The following FER1L5 variants were observed in gnomAD, a reference collection of about 807,000 sequenced individuals.
FER1L5 encodes fer-1 like family member 5.
Under a neutral mutation model 279.9 loss-of-function variants are expected in FER1L5, and 187 were observed. The observed-to-expected ratio is 0.67, with a 90% CI of 0.59 to 0.75. The LOEUF is 0.75. Among genes scored for constraint, FER1L5 ranks in the 30% least tolerant of loss-of-function variants. The pLI is 0.00. For synonymous variants in FER1L5, 921 were observed against 989.7 expected (o/e 0.93, Z 1.30); for missense variants, 2,091 against 2,594.4 (o/e 0.81, Z 4.21).
At chr2:96,668,684 T>TA in intron 14 of FER1L5, 67 bp from the exon 15 acceptor site, 1 of 1,540,486 alleles carries the variant, frequency 6.5e-7, no homozygotes, top group Non-Finnish European at 8.8e-7. Flanking sequence ...TACCTGTTCT[T>TA]AAAATCTCCA....
At position 96,703,570 on chromosome 2, in the gene FER1L5, A is replaced by C. The variant is rs1422167970; in HGVS notation, c.5739A>C (p.Leu1913Phe). The C allele has an allele frequency of 6.2e-7, 1 of 1,613,832 alleles. No homozygotes were observed. Among genetic ancestry groups the C allele is most frequent in the Non-Finnish European group, 8.5e-7 (1 of 1,179,868 alleles). ...SLEILSEKEA[L>F]IKPAGRGQSE... is the part of the protein sequence containing the mutation. ...AGATTCTGTCAGAGAAGGAAGCCTTAATCAAGCCAGCCGGGCGAGGCCAGT... is the reference window on the plus strand; with the variant it reads ...AGATTCTGTCAGAGAAGGAAGCCTTCATCAAGCCAGCCGGGCGAGGCCAGT... The change falls in exon 51 of 53, where the codon TTA (leucine) becomes TTC (phenylalanine). Residue 1913 changes from leucine to phenylalanine, a missense_variant. Leu to Phe is a conservative substitution (Grantham distance 22). Transcript: ENST00000624922.
intron 32 of FER1L5, 66 bp downstream of exon 32, chr2:96,693,753 T>C: frequency 6.6e-7 from 1 of 1,504,702 alleles, no homozygotes; most frequent in Admixed American, 2.2e-5. Context: ...GGGGATTTAT[T>C]TTAGATGAAA....
chr2:96,648,279 ATGT>A (rs1277248183), intron 4 of FER1L5, among the ~76,000 whole-genome samples: 7 of 152,222 alleles, frequency 4.6e-5, no homozygotes, highest in African/African-American at 1.7e-4. Context: ...AGAGGGGGTG[ATGT>A]TTAAGACATT....
intron 4 of FER1L5, 77 bp from the exon 5 acceptor site, chr2:96,649,546 C>T (rs1573772261): frequency 6.9e-7 from 1 of 1,445,278 alleles, no homozygotes; most frequent in South Asian, 1.2e-5. Flanking sequence ...TGAACCCAAC[C>T]AGGCTGTGCA....
intron 52 of FER1L5, 49 bp downstream of exon 52, chr2:96,704,411 C>G: frequency 1.2e-6 from 2 of 1,612,972 alleles, no homozygotes; most frequent in African/African-American, 2.7e-5. Context: ...CGGGATGACT[C>G]TGGGGACAGC....
chr2:96,648,759 C>T (rs2075242723), intron 4 of FER1L5, among the ~76,000 whole-genome samples: 1 of 152,196 alleles, frequency 6.6e-6, no homozygotes, highest in South Asian at 2.1e-4. Context: ...GATGGTGGAT[C>T]TGAGTCTTAT....
chr2:96,697,685 G>A lies in FER1L5; in HGVS notation c.4160G>A (p.Trp1387Ter). The A allele has an allele frequency of 6.2e-7, 1 of 1,614,052 alleles. No individual in the cohort carries two copies. Residue 1387 changes from tryptophan (W) to a stop codon, truncating the protein, a stop_gained, in exon 39 of 53, where the codon TGG becomes TAG. Coordinates refer to ENST00000624922, the MANE Select transcript of FER1L5 (RefSeq NM_001293083.2). LOFTEE classifies it high-confidence loss of function. ...AEDEYEHEVDWWSKLFWATDE... is the reference protein window; with the variant it reads ...AEDEYEHEVD The stretch of plus-strand genomic sequence containing the variant: ...GATGAGTATGAGCATGAGGTGGACT[G>A]GTGGAGCAAGCTGTTCTGGGCCACA...
chr2:96,659,961 T>C (rs1401574422), intron 9 of FER1L5, among the ~76,000 whole-genome samples: 1 of 152,106 alleles, frequency 6.6e-6, no homozygotes, highest in East Asian at 1.9e-4. Context: ...AGAAAACCCG[T>C]AGTTTCTTTG....
rs749469875 is a variant in FER1L5 at position 96,663,527 on chromosome 2, C to T, written c.1140+20C>T. On this transcript the variant is annotated intron_variant, in intron 14 of 52. Transcript: ENST00000624922. ...ATTCAGGTATGGCTCCTCCATCATG[C>T]CCACCCTTCTCCCACATCCCCTAAC... 3 of 1,550,472 alleles carry T rather than the reference C, an allele frequency of 1.9e-6. No individual in the cohort carries two copies. The highest frequency in any genetic ancestry group is 3.9e-5 in the Admixed American group (2 of 50,964).
At chr2:96,670,066 G>T (rs1336943764) in intron 17 of FER1L5, 53 bp from the exon 18 acceptor site, 4 of 1,548,554 alleles carry the variant, frequency 2.6e-6, no homozygotes, top group Non-Finnish European at 2.6e-6. Flanking sequence ...AAGGAGATTG[G>T]CCTGTTCTTT....
chr2:96,673,401 T>A, intron 19 of FER1L5, 147 bp downstream of exon 19: 1 of 849,816 alleles, frequency 1.2e-6, no homozygotes, highest in Non-Finnish European at 1.7e-6. Context: ...TTCAGGGAGG[T>A]GAAGTCATTT....
At position 96,689,876 on chromosome 2, in the gene FER1L5, G is replaced by C; in HGVS notation, c.2640+118G>C. The C allele has an allele frequency of 4.8e-6, 4 of 840,692 alleles. No individual in the cohort carries two copies. Among genetic ancestry groups the C allele is most frequent in the Non-Finnish European group, 7.3e-6 (4 of 547,252 alleles). The allele number at this position is 840,692 out of a possible 1,614,324, so 52.1% of individuals were successfully genotyped here. On this transcript the variant is annotated intron_variant, in intron 26 of 52. Transcript: ENST00000624922. This position sits in a 1 kb window ranked among gnomAD's most constrained non-coding sequence, Gnocchi z 4.6. ...GAGCCCTATGCCCTGCACTATGTGT[G>C]GGGCCCCGGGTGAGCGCACCAGCCC...
intron 9 of FER1L5, among the ~76,000 whole-genome samples, chr2:96,658,550 A>G (rs1215363791): frequency 2.6e-5 from 4 of 151,334 alleles, no homozygotes; most frequent in African/African-American, 9.7e-5. Flanking sequence ...CTGCACCCGG[A>G]CGTGTATGTT....
At chr2:96,668,210 C>T (rs1317590390) in intron 14 of FER1L5, among the ~76,000 whole-genome samples, 4 of 152,072 alleles carry the variant, frequency 2.6e-5, no homozygotes, top group African/African-American at 9.7e-5. Flanking sequence ...CCTCTCAGGA[C>T]CTTGCAAGGG....
In FER1L5 at chr2:96,685,366, C is replaced by T. The variant is rs775276620; in HGVS notation, c.1832C>T (p.Pro611Leu). 106 of 1,551,240 alleles carry T rather than the reference C, an allele frequency of 6.8e-5. No homozygotes were observed. Among genetic ancestry groups the T allele is most frequent in the Non-Finnish European group, 8.7e-5 (100 of 1,146,888 alleles). Reference sequence around the variant, plus strand: ...GACACCCTGAAATCCACGCGGAATCCGAAGGATCCAGCTCTCCTCTACCAG... The same window carrying T: ...GACACCCTGAAATCCACGCGGAATCTGAAGGATCCAGCTCTCCTCTACCAG... ...NLDTLKSTRN[P>L]KDPALLYQWE... The change falls in exon 21 of 53, where the codon CCG becomes CTG. Residue 611 changes from proline to leucine, a missense_variant. Physicochemically the swap from Pro to Leu is moderately conservative, Grantham distance 98. Transcript: ENST00000624922.
At chr2:96,692,047 C>T in intron 30 of FER1L5, 57 bp from the exon 31 acceptor site, 1 of 1,547,750 alleles carries the variant, frequency 6.5e-7, no homozygotes. Context: ...TGGGGGCAGT[C>T]AGAGGGAGCC....
intron 6 of FER1L5, among the ~76,000 whole-genome samples, chr2:96,651,123 T>C (rs565698204): frequency 1.1e-4 from 16 of 152,338 alleles, no homozygotes; most frequent in African/African-American, 3.8e-4. Context: ...TGCAATGGCT[T>C]CCCGGGCCCT....
chr2:96,686,618 G>T (rs1444704162), intron 23 of FER1L5, among the ~76,000 whole-genome samples: 1 of 151,964 alleles, frequency 6.6e-6, no homozygotes, highest in African/African-American at 2.4e-5. Context: ...ACTTTGGGAG[G>T]CTGAGGCGGG....
At chr2:96,648,366 C>T (rs533547858) in intron 4 of FER1L5, among the ~76,000 whole-genome samples, 3 of 152,340 alleles carry the variant, frequency 2.0e-5, no homozygotes, top group African/African-American at 4.8e-5. Context: ...GCAAGGGACT[C>T]GGTCATCGTC....
Sources: allele counts gnomAD v4.1 joint callset (sites outside exome capture counted in the v4.1 genomes callset), GRCh38; gene constraint gnomAD v4.1.1; non-coding constraint Gnocchi (gnomAD v3.1); transcripts MANE v1.5; gene names NCBI Gene and HGNC (gene_info 2026-07-23, HGNC 2026-07-21).